The following SEPTIN4 variants were observed in gnomAD, a reference collection of about 807,000 sequenced individuals.
The protein encoded by SEPTIN4 is septin 4.
A neutral mutation model predicts 107.1 loss-of-function variants in SEPTIN4; 52 were observed. That is an observed-to-expected ratio of 0.49 (90% confidence interval 0.39 to 0.61). The LOEUF (loss-of-function observed/expected upper bound fraction) is 0.61. SEPTIN4 is among the 20% of genes least tolerant of loss of function. SEPTIN4 has a pLI of 0.00. For missense variants in SEPTIN4, 1,048 were observed against 1,243.5 expected, an observed-to-expected ratio of 0.84 and a Z score of 2.36; for synonymous variants, 417 against 467.0, an observed-to-expected ratio of 0.89 and a Z score of 1.38.
Position 58,520,411 on chromosome 17 carries a change from A to C in SEPTIN4, c.*15T>G. 1 of 1,612,010 alleles carries C rather than the reference A, an allele frequency of 6.2e-7. No homozygotes were observed. Among genetic ancestry groups the C allele is most frequent in the Non-Finnish European group, 8.5e-7 (1 of 1,179,454 alleles). The stretch of plus-strand genomic sequence containing the variant: ...AGAAGAGGAGGAGATTTAAATATCC[A>C]GGGCTGAAAGCCAGTTAATAGTTCT... On this transcript the variant is annotated 3_prime_UTR_variant, in exon 14 of 14. Coordinates refer to ENST00000672673, the MANE Select transcript of SEPTIN4 (RefSeq NM_001368771.2).
Position 58,543,165 on chromosome 17 carries a change from A to G in SEPTIN4, c.1022T>C (p.Val341Ala). 6.2e-7 allele frequency: 1 copy of G among 1,613,610 alleles called. No homozygotes were observed. Among genetic ancestry groups the G allele is most frequent in the Non-Finnish European group, 8.5e-7 (1 of 1,179,752 alleles). Residue 341 changes from valine (V) to alanine (A), a missense_variant, in exon 1 of 14, where the codon GTA becomes GCA. By Grantham distance (64) the Val-to-Ala change is moderately conservative. Around this residue, in one of 2 missense-constraint regions of SEPTIN4, gnomAD observed 787 missense variants for 871.8 expected, o/e 0.90. Coordinates refer to ENST00000672673, the MANE Select transcript of SEPTIN4 (RefSeq NM_001368771.2). ...VGRRVTISPGVQSVEPTHHVT... is the reference protein window; with the variant it reads ...VGRRVTISPGAQSVEPTHHVT... Reference sequence around the variant, plus strand: ...ATGGTGAGTTGGCTCTACTGACTGTACCCCTGGGGAGATGGTGACCCTGCG... The same window carrying G: ...ATGGTGAGTTGGCTCTACTGACTGTGCCCCTGGGGAGATGGTGACCCTGCG...
chr17:58,539,356 T>C (rs544929755), intron 3 of SEPTIN4: 2 of 533,144 alleles, frequency 3.8e-6, no homozygotes, highest in African/African-American at 3.9e-5. Context: ...GTCAAAAACA[T>C]CAAATCTTGA....
intron 2 of SEPTIN4, 111 bp from the exon 3 acceptor site, chr17:58,540,784 G>T: frequency 8.4e-7 from 1 of 1,184,944 alleles, no homozygotes; most frequent in South Asian, 2.6e-5. Context: ...CAGTGGACTT[G>T]GGCAAACCTG....
At chr17:58,535,160 C>T (rs1232986026) in intron 3 of SEPTIN4, among the ~76,000 whole-genome samples, 2 of 152,232 alleles carry the variant, frequency 1.3e-5, no homozygotes, top group African/African-American at 2.4e-5. Flanking sequence ...AGGCAATAAA[C>T]CAAAATACAT....
In SEPTIN4 at chr17:58,543,746, A is replaced by G; in HGVS notation, c.441T>C (p.Ala147=). 5.6e-6 allele frequency: 9 copies of G among 1,614,218 alleles called. No individual in the cohort carries two copies. The highest frequency in any genetic ancestry group is 7.6e-6 in the Non-Finnish European group (9 of 1,180,030). The part of the protein sequence containing the change: ...SKSGREVGHH[A]SSIPDAKSTH... ...TAGATTTGGCATCTGGGATTGATGAAGCATGATGGCCGACCTCGCGCCCTG... is the reference window on the plus strand; with the variant it reads ...TAGATTTGGCATCTGGGATTGATGAGGCATGATGGCCGACCTCGCGCCCTG... The change falls in exon 1 of 14, where the codon GCT becomes GCC. Residue 147 remains alanine, a synonymous_variant. Transcript: ENST00000672673.
chr17:58,525,254 G>C, intron 6 of SEPTIN4, 53 bp from the exon 7 acceptor site: 1 of 1,600,980 alleles, frequency 6.2e-7, no homozygotes, highest in Admixed American at 1.7e-5. Flanking sequence ...TGCCCAGTCA[G>C]GATGAACCGC....
intron 3 of SEPTIN4, chr17:58,529,332 G>A (rs1442707809): frequency 7.4e-6 from 11 of 1,492,560 alleles, no homozygotes; most frequent in Non-Finnish European, 9.8e-6. Context: ...TCTGTCTCTG[G>A]CAGGGGCCAA....
Position 58,521,979 on chromosome 17 carries a change from G to A in SEPTIN4, c.2339C>T (p.Pro780Leu). Reference sequence around the variant, plus strand: ...GCTTGGACCATACCCATGGCCGAAGGGTGAGATGAAGTACAGGCAGCAGTG... The same window carrying A: ...GCTTGGACCATACCCATGGCCGAAGAGTGAGATGAAGTACAGGCAGCAGTG... Reference protein sequence around the residue: ...RVHCCLYFISPFGHGLRPLDV... With the variant: ...RVHCCLYFISLFGHGLRPLDV... Residue 780 changes from proline (P) to leucine (L), a missense_variant, in exon 8 of 14, where the codon CCC becomes CTC. Physicochemically the swap from Pro to Leu is moderately conservative, Grantham distance 98. This residue lies in a region of SEPTIN4 where 261 missense variants were observed against 371.7 expected (regional missense o/e 0.70). Coordinates refer to ENST00000672673, the MANE Select transcript of SEPTIN4 (RefSeq NM_001368771.2). The surrounding 1 kb of genome is among the most constrained non-coding windows in gnomAD (Gnocchi z 6.4). 6.2e-7 allele frequency: 1 copy of A among 1,614,208 alleles called. No individual in the cohort carries two copies. The highest frequency in any genetic ancestry group is 2.2e-5 in the East Asian group (1 of 44,892).
intron 7 of SEPTIN4, 74 bp downstream of exon 7, chr17:58,525,004 T>C (rs1192759828): frequency 6.3e-7 from 1 of 1,595,206 alleles, no homozygotes; most frequent in Non-Finnish European, 8.6e-7. Flanking sequence ...TGGATATATC[T>C]GGGCCTACGT....
intron 3 of SEPTIN4, chr17:58,532,164 G>A (rs11869828): frequency 0.38 from 373,566 of 993,274 alleles, 70,833 homozygotes; most frequent in East Asian, 0.52. Context: ...GTGCCGGCGC[G>A]AAGTGGGTCG....
intron 3 of SEPTIN4, chr17:58,539,342 C>A: frequency 1.8e-6 from 1 of 547,318 alleles, no homozygotes; most frequent in East Asian, 3.1e-5. Flanking sequence ...GAGGAGCCTG[C>A]TCAGTCAAAA....
At position 58,543,937 on chromosome 17, in the gene SEPTIN4, T is replaced by C. The variant is rs1326864747; in HGVS notation, c.250A>G (p.Thr84Ala). Residue 84 changes from threonine (T) to alanine (A), a missense_variant, in exon 1 of 14, where the codon ACT becomes GCT. This residue lies in a region of SEPTIN4 where 787 missense variants were observed against 871.8 expected (regional missense o/e 0.90). Coordinates refer to ENST00000672673, the MANE Select transcript of SEPTIN4 (RefSeq NM_001368771.2). The part of the protein sequence containing the change: ...QSGPGHYAVP[T>A]PRGPETGPRT... ...GGTCCAGTCTCGGGTCCCCGAGGAGTGGGTACTGCATAGTGTCCAGGTCCT... is the reference window on the plus strand; with the variant it reads ...GGTCCAGTCTCGGGTCCCCGAGGAGCGGGTACTGCATAGTGTCCAGGTCCT... 8 of 1,613,490 alleles carry C rather than the reference T, an allele frequency of 5.0e-6. No individual in the cohort carries two copies. The highest frequency in any genetic ancestry group is 1.6e-4 in the Middle Eastern group (1 of 6,084).
At chr17:58,535,700 C>G (rs2043687168) in intron 3 of SEPTIN4, among the ~76,000 whole-genome samples, 1 of 152,200 alleles carries the variant, frequency 6.6e-6, no homozygotes, top group Non-Finnish European at 1.5e-5. Context: ...CATCTGTATA[C>G]TTTTCTCTAC....
intron 5 of SEPTIN4, among the ~76,000 whole-genome samples, 166 bp downstream of exon 5, chr17:58,526,054 C>A (rs541342238): frequency 1.3e-5 from 2 of 149,254 alleles, no homozygotes; most frequent in South Asian, 4.4e-4. Flanking sequence ...CACCCCACCC[C>A]ACATACATAC....
chr17:58,536,290 G>A (rs1353613843), intron 3 of SEPTIN4, among the ~76,000 whole-genome samples: 1 of 152,124 alleles, frequency 6.6e-6, no homozygotes, highest in East Asian at 1.9e-4. Context: ...TAAATGAATG[G>A]TAGCTATTAT....
chr17:58,540,761 T>C (rs1007032440), intron 2 of SEPTIN4, 88 bp from the exon 3 acceptor site: 5 of 1,270,222 alleles, frequency 3.9e-6, no homozygotes, highest in Non-Finnish European at 5.0e-6. Context: ...AAGAGAAATT[T>C]ACTAAAGATG....
chr17:58,532,044 A>G (rs2043519341), intron 3 of SEPTIN4: 3 of 1,117,332 alleles, frequency 2.7e-6, no homozygotes, highest in Non-Finnish European at 3.3e-6. Flanking sequence ...ACCTCGCAGC[A>G]CCGCCGTCAC....
rs2043923152 is a variant in SEPTIN4, at chr17:58,542,990, CT to C, written c.1196del (p.Lys399SerfsTer10). 1.2e-5 allele frequency: 19 copies of C among 1,612,626 alleles called. No homozygotes were observed. The highest frequency in any genetic ancestry group is 1.5e-5 in the Non-Finnish European group (18 of 1,179,424). On this transcript the variant is annotated frameshift_variant, in exon 1 of 14. Coordinates refer to ENST00000672673, the MANE Select transcript of SEPTIN4 (RefSeq NM_001368771.2). LOFTEE classifies it high-confidence loss of function. Reference sequence around the variant, plus strand: ...GTTCCAGTTCTGCATGGATGGAGGGCTTTTGCGAGAGTTCTGGATACCTGGG... The same window carrying C: ...GTTCCAGTTCTGCATGGATGGAGGGCTTTGCGAGAGTTCTGGATACCTGGG... ...PTPRYPELSQ[K>X]PSIHAELELT...
chr17:58,539,100 ATG>A, intron 3 of SEPTIN4: 2 of 1,515,348 alleles, frequency 1.3e-6, no homozygotes, highest in South Asian at 2.4e-5. Context: ...GCCCATCTCC[ATG>A]CCATCCTACC....
Sources: allele counts gnomAD v4.1 joint callset (sites outside exome capture counted in the v4.1 genomes callset), GRCh38; gene constraint gnomAD v4.1.1; regional missense constraint gnomAD v4.1.1; non-coding constraint Gnocchi (gnomAD v3.1); transcripts MANE v1.5; gene names NCBI Gene and HGNC (gene_info 2026-07-23, HGNC 2026-07-21).